HYDIN: variants seen among roughly 807,000 people sequenced by gnomAD.
HYDIN encodes the protein HYDIN axonemal central pair apparatus protein.
HYDIN carries 132 observed loss-of-function variants against 403.9 expected under a neutral mutation model. The observed-to-expected ratio is 0.33, with a 90% CI of 0.28 to 0.38. The LOEUF (loss-of-function observed/expected upper bound fraction) is 0.38. HYDIN is among the 10% of genes least tolerant of loss of function. The pLI is 1.00. For synonymous variants in HYDIN, 1,202 were observed against 1,891.7 expected (o/e 0.64, Z 9.46); for missense variants, 2,827 against 5,009.5 (o/e 0.56, Z 13.15).
rs1443543050 is a variant in HYDIN, at chr16:70,981,431, G to A, written c.4470C>T (p.Ile1490=). 1 of 1,613,766 alleles carries A rather than the reference G, an allele frequency of 6.2e-7. No homozygotes were observed. Among genetic ancestry groups the A allele is most frequent in the Non-Finnish European group, 8.5e-7 (1 of 1,179,844 alleles). Residue 1490 remains isoleucine, a synonymous_variant, in exon 29 of 86, where the codon ATC becomes ATT. Transcript: ENST00000393567. ...PENITLSGEG[I]FPQICLDLPR... ...GGAGATCGAGGCAGATTTGGGGAAA[G>A]ATTCCCTCTCCGCTCAGAGTGATAT... is the stretch of plus-strand genomic sequence containing the variant.
chr16:71,203,464 A>C (rs1026382610), intron 1 of HYDIN, among the ~76,000 whole-genome samples: 12 of 152,190 alleles, frequency 7.9e-5, no homozygotes, highest in African/African-American at 2.7e-4. Flanking sequence ...CAATGGTATG[A>C]ATTGCTATTT....
chr16:70,829,321 C>T (rs1159099554), intron 81 of HYDIN, among the ~76,000 whole-genome samples: 1 of 145,252 alleles, frequency 6.9e-6, no homozygotes, highest in Non-Finnish European at 1.5e-5. Flanking sequence ...GAAACCTCTG[C>T]CTCCTGGGTT....
intron 40 of HYDIN, among the ~76,000 whole-genome samples, chr16:70,954,687 G>A (rs1293890529): frequency 6.6e-6 from 1 of 152,134 alleles, no homozygotes; most frequent in South Asian, 2.1e-4. Flanking sequence ...GCCGGCCCAG[G>A]CCCATTTGTC....
intron 29 of HYDIN, among the ~76,000 whole-genome samples, 154 bp downstream of exon 29, chr16:70,981,237 T>C (rs1485469450): frequency 1.3e-5 from 2 of 152,246 alleles, no homozygotes; most frequent in African/African-American, 4.8e-5. Context: ...CGCAGTAAAC[T>C]CAGGTCACCA....
chr16:71,021,241 G>A (rs980982026), intron 21 of HYDIN, among the ~76,000 whole-genome samples: 3 of 149,290 alleles, frequency 2.0e-5, no homozygotes, highest in African/African-American at 7.4e-5. Context: ...TTTTGAGACA[G>A]AGTCTTGCTC....
chr16:70,992,252 A>G (rs1174285427), intron 23 of HYDIN, 42 bp from the exon 24 acceptor site: 7 of 1,519,910 alleles, frequency 4.6e-6, no homozygotes, highest in Non-Finnish European at 6.2e-6. Flanking sequence ...GACAGGAGAC[A>G]TCAGTTTTTG....
chr16:70,907,508 A>G lies in HYDIN; in HGVS notation c.8397-17T>C, dbSNP rs1273332259. 1 of 555,420 alleles carries G rather than the reference A, an allele frequency of 1.8e-6. No homozygotes were observed. The highest frequency in any genetic ancestry group is 2.9e-5 in the East Asian group (1 of 34,116). 34.4% of individuals were successfully genotyped at this position (555,420 alleles called of 1,614,324 possible). A position where few individuals can be genotyped will look rare whatever the true frequency, so the allele number is the denominator to read the frequency against. On this transcript the variant is annotated splice_polypyrimidine_tract_variant and intron_variant, in intron 49 of 85. Coordinates refer to ENST00000393567, the MANE Select transcript of HYDIN (RefSeq NM_001270974.2). ...AATACCACTCTGAACACAGGAGGGG[A>G]AAAGGTGAGGAGAGGCTGCCTGAAC...
chr16:71,001,776 T>A (rs1346304263), intron 23 of HYDIN, among the ~76,000 whole-genome samples: 1 of 150,960 alleles, frequency 6.6e-6, no homozygotes, highest in East Asian at 2.0e-4. Context: ...CAGAGTGAGG[T>A]AGGGAGCCTG....
At chr16:71,066,566 G>T (rs1197681880) in intron 15 of HYDIN, 5 of 206,108 alleles carry the variant, frequency 2.4e-5, no homozygotes, top group Non-Finnish European at 5.0e-5. Flanking sequence ...TAAAGTCCCA[G>T]ATCTGGACAC....
At chr16:70,871,286 C>A (rs535414094) in intron 65 of HYDIN, among the ~76,000 whole-genome samples, 1 of 152,124 alleles carries the variant, frequency 6.6e-6, no homozygotes, top group African/African-American at 2.4e-5. Flanking sequence ...AAGTCCCCAA[C>A]GCCTTTGCTC....
intron 18 of HYDIN, among the ~76,000 whole-genome samples, chr16:71,046,863 G>A (rs1208195676): frequency 6.6e-6 from 1 of 152,152 alleles, no homozygotes; most frequent in Non-Finnish European, 1.5e-5. Flanking sequence ...GCACAAAACA[G>A]GAAGAGTCAA....
intron 65 of HYDIN, among the ~76,000 whole-genome samples, chr16:70,869,966 T>C (rs1425653993): frequency 6.7e-6 from 1 of 149,404 alleles, no homozygotes; most frequent in African/African-American, 2.4e-5. Context: ...AAATCCAGGC[T>C]GAGATGATTC....
intron 10 of HYDIN, among the ~76,000 whole-genome samples, chr16:71,097,679 G>A (rs964738791): frequency 6.9e-6 from 1 of 144,554 alleles, no homozygotes; most frequent in African/African-American, 2.7e-5. Context: ...CCCCAGCAGT[G>A]GGGATATCAC....
At chr16:70,902,808 TATATATATATA>T (rs1567799068) in intron 52 of HYDIN, among the ~76,000 whole-genome samples, 28 of 25,624 alleles carry the variant, frequency 1.1e-3, no homozygotes, top group East Asian at 1.7e-3. Context: ...TATATATATA[TATATATATATA>T]TATTTTTTTT....
chr16:70,960,749 T>C (rs1479906221), intron 38 of HYDIN, among the ~76,000 whole-genome samples: 3 of 152,240 alleles, frequency 2.0e-5, no homozygotes, highest in Admixed American at 1.3e-4. Flanking sequence ...TACAGTGCAA[T>C]GGCACAATCT....
chr16:70,899,095 G>C (rs2076287866), intron 53 of HYDIN, among the ~76,000 whole-genome samples: 3 of 150,678 alleles, frequency 2.0e-5, no homozygotes, highest in African/African-American at 7.3e-5. Context: ...AAACTCAATG[G>C]CATTCATTCA....
At chr16:71,154,565 C>A (rs1225943779) in intron 6 of HYDIN, among the ~76,000 whole-genome samples, 4 of 107,812 alleles carry the variant, frequency 3.7e-5, no homozygotes, top group East Asian at 3.0e-4. Flanking sequence ...ACCCCCACTA[C>A]CCTTCCCACC....
In HYDIN at chr16:70,836,753, G is replaced by T. The variant is rs1025316601; in HGVS notation, c.13243-919C>A. ...TTCCATTTTGTCTAAAAAGGCAAGA[G>T]AGTCTGTCCCACCAGTCATGAGCTC... On this transcript the variant is annotated intron_variant, in intron 77 of 85. Transcript: ENST00000393567. Among the ~76,000 whole-genome samples the T allele has an allele frequency of 7.9e-5, 12 of 152,308 alleles. 1 individual carries two copies. The highest frequency in any genetic ancestry group is 7.8e-4 in the Admixed American group (12 of 15,304).
chr16:71,008,594 A>G (rs1192625537), intron 23 of HYDIN, among the ~76,000 whole-genome samples: 2 of 151,626 alleles, frequency 1.3e-5, no homozygotes, highest in African/African-American at 2.4e-5. Context: ...AAGCTGTTAA[A>G]AGAGATTTTC....
Sources: allele counts gnomAD v4.1 joint callset (sites outside exome capture counted in the v4.1 genomes callset), GRCh38; gene constraint gnomAD v4.1.1; transcripts MANE v1.5; gene names NCBI Gene and HGNC (gene_info 2026-07-23, HGNC 2026-07-21).